The following IL1RAPL2 variants were observed in gnomAD, a reference collection of about 807,000 sequenced individuals.
IL1RAPL2 encodes interleukin 1 receptor accessory protein like 2.
In IL1RAPL2, 3 loss-of-function variants were observed where a neutral mutation model predicts 44.1. The ratio of observed to expected loss-of-function variants is 0.07; its 90% CI spans 0.03 to 0.18. IL1RAPL2 has a LOEUF of 0.18. Ranked by LOEUF, IL1RAPL2 falls within the 10% of genes least tolerant of loss-of-function variation. The pLI is 1.00. For synonymous variants in IL1RAPL2, 181 were observed against 178.8 expected, an observed-to-expected ratio of 1.01 and a Z score of -0.10; for missense variants, 391 against 496.4, an observed-to-expected ratio of 0.79 and a Z score of 2.02.
chrX:104,761,895 TTCTCCTTCTCCTTCTCCTTCTC>T (rs1932447832), intron 2 of IL1RAPL2, among the ~76,000 whole-genome samples: 5 of 52,397 alleles, frequency 9.5e-5, no homozygotes, highest in African/African-American at 6.0e-4. Context: ...CTCCTTCTCC[TTCTCCTTCTCCTTCTCCTTCTC>T]CTTCTCCTTC....
intron 10 of IL1RAPL2, among the ~76,000 whole-genome samples, chrX:105,760,071 T>C (rs2038674301): frequency 9.0e-6 from 1 of 111,522 alleles, no homozygotes; most frequent in Non-Finnish European, 1.9e-5. Context: ...CCCCTTCATG[T>C]TAAAGTCAAG....
In IL1RAPL2 at chrX:105,324,169, CAAGGTAATGAGTCAGAG is replaced by C. The variant is rs372098656; in HGVS notation, c.697+56632_697+56648del. 4.6e-3 allele frequency among the ~76,000 whole-genome samples: 504 copies of C among 110,071 alleles called. 6 individuals are homozygous for C. Among genetic ancestry groups the C allele is most frequent in the African/African-American group, 0.016 (476 of 30,204 alleles). ...TAATGGGAGTGTGGGTGGGGCTGGG[CAAGGTAATGAGTCAGAG>C]AAGAGCACAGCAGAGGAGTTGAAAT... On this transcript the variant is annotated intron_variant, in intron 5 of 10. Coordinates refer to ENST00000372582, the MANE Select transcript of IL1RAPL2 (RefSeq NM_017416.2).
chrX:105,119,962 C>A (rs985440424), intron 2 of IL1RAPL2, among the ~76,000 whole-genome samples: 3 of 109,714 alleles, frequency 2.7e-5, no homozygotes, highest in African/African-American at 1.0e-4. Context: ...CACAACAACT[C>A]TAAGGAGTAG....
At chrX:105,506,861 TA>T (rs2036434625) in intron 6 of IL1RAPL2, among the ~76,000 whole-genome samples, 1 of 111,923 alleles carries the variant, frequency 8.9e-6, no homozygotes, top group African/African-American at 3.2e-5. Context: ...ATGACCTATT[TA>T]AGATCATACA....
chrX:105,765,137 A>G (rs2038719451), intron 10 of IL1RAPL2: 1 of 111,764 alleles, frequency 8.9e-6, no homozygotes, highest in Non-Finnish European at 1.9e-5. Flanking sequence ...AAAGGTGAAA[A>G]GAATAATGAG....
chrX:104,600,244 A>C (rs1928855135), intron 1 of IL1RAPL2, among the ~76,000 whole-genome samples: 1 of 111,888 alleles, frequency 8.9e-6, no homozygotes, highest in African/African-American at 3.2e-5. Flanking sequence ...TATCTTTGAC[A>C]TGTAACCTAA....
At chrX:104,872,777 T>C (rs191382793) in intron 2 of IL1RAPL2, among the ~76,000 whole-genome samples, 1 of 111,367 alleles carries the variant, frequency 9.0e-6, no homozygotes, top group African/African-American at 3.3e-5. Context: ...AAGGCATCTG[T>C]GAAACCACTC....
At chrX:105,766,691 TAAAA>T (rs1389031872) in intron 10 of IL1RAPL2, among the ~76,000 whole-genome samples, 1 of 110,867 alleles carries the variant, frequency 9.0e-6, no homozygotes, top group Non-Finnish European at 1.9e-5. Context: ...ATTACATAAA[TAAAA>T]ATCACTGAAA....
At chrX:105,408,946 G>A (rs1182199898) in intron 5 of IL1RAPL2, among the ~76,000 whole-genome samples, 1 of 110,225 alleles carries the variant, frequency 9.1e-6, no homozygotes, top group Non-Finnish European at 1.9e-5. Flanking sequence ...TATGATTTTG[G>A]GAAAACTATT....
intron 2 of IL1RAPL2, among the ~76,000 whole-genome samples, chrX:104,974,869 A>G (rs1268046210): frequency 9.0e-6 from 1 of 111,671 alleles, no homozygotes; most frequent in African/African-American, 3.3e-5. Context: ...GACAGTTAGG[A>G]CATCTTATTG....
intron 3 of IL1RAPL2, 138 bp downstream of exon 3, chrX:105,195,886 A>G (rs1416761859): frequency 1.8e-6 from 1 of 562,068 alleles, no homozygotes; most frequent in African/African-American, 2.3e-5. Context: ...GCTTCAGTAA[A>G]TTCCAGTTCT....
chrX:104,863,270 C>T (rs1922536642), intron 2 of IL1RAPL2, among the ~76,000 whole-genome samples: 2 of 111,527 alleles, frequency 1.8e-5, no homozygotes, highest in South Asian at 7.7e-4. Flanking sequence ...CACTAAAGCC[C>T]AGATCCAGCC....
chrX:105,127,240 A>G (rs760081676), intron 2 of IL1RAPL2, among the ~76,000 whole-genome samples: 1 of 111,072 alleles, frequency 9.0e-6, no homozygotes, highest in Non-Finnish European at 1.9e-5. Flanking sequence ...TCTCTAACCA[A>G]TGGTTTCGAT....
At chrX:105,444,893 A>G (rs2035944456) in intron 5 of IL1RAPL2, among the ~76,000 whole-genome samples, 1 of 111,664 alleles carries the variant, frequency 9.0e-6, no homozygotes, top group African/African-American at 3.3e-5. Flanking sequence ...TTGGTGTCAC[A>G]GTAAAACTAA....
chrX:104,614,854 C>G (rs1929237270), intron 1 of IL1RAPL2, among the ~76,000 whole-genome samples: 1 of 111,717 alleles, frequency 9.0e-6, no homozygotes, highest in African/African-American at 3.3e-5. Context: ...AGATCTTTCT[C>G]TAATCCTTTA....
At chrX:104,652,727 T>C (rs954137906) in intron 1 of IL1RAPL2, among the ~76,000 whole-genome samples, 1 of 112,177 alleles carries the variant, frequency 8.9e-6, no homozygotes, top group African/African-American at 3.2e-5. Flanking sequence ...ATTAGGACAA[T>C]GATAAACATT....
intron 5 of IL1RAPL2, among the ~76,000 whole-genome samples, chrX:105,390,630 A>G (rs2035514468): frequency 9.0e-6 from 1 of 110,824 alleles, no homozygotes; most frequent in Non-Finnish European, 1.9e-5. Flanking sequence ...TTGCTTTATA[A>G]CATAACATTC....
At chrX:104,596,333 TG>T (rs1032853806) in intron 1 of IL1RAPL2, among the ~76,000 whole-genome samples, 1 of 111,565 alleles carries the variant, frequency 9.0e-6, no homozygotes, top group African/African-American at 3.3e-5. Flanking sequence ...AGATTCATAA[TG>T]GAAGGAAATG....
chrX:105,492,600 TATC>T (rs2036328444), intron 6 of IL1RAPL2, among the ~76,000 whole-genome samples: 1 of 109,749 alleles, frequency 9.1e-6, no homozygotes, highest in African/African-American at 3.3e-5. Flanking sequence ...GTAGTGATAA[TATC>T]AGTAGTAGTA....
Sources: gnomAD v4.1 joint callset for allele counts (sites outside exome capture counted in the v4.1 genomes callset) on GRCh38, gnomAD v4.1.1 for gene constraint, MANE v1.5 for transcripts, NCBI Gene and HGNC (gene_info 2026-07-23, HGNC 2026-07-21) for gene names.